Variants in SCHIP1 observed in about 807,000 individuals in gnomAD.
SCHIP1 encodes schwannomin-interacting protein 1.
In SCHIP1, 8 loss-of-function variants were observed where a neutral mutation model predicts 29.7. The observed-to-expected ratio is 0.27, with a 90% CI of 0.16 to 0.49. The LOEUF is 0.49. Among genes scored for constraint, SCHIP1 ranks in the 20% least tolerant of loss-of-function variants. The probability of loss-of-function intolerance (pLI) is 0.99; values close to 1 mark genes in which losing one functional copy is unlikely to be tolerated. For missense variants in SCHIP1, 193 were observed against 294.6 expected (o/e 0.66, Z 2.52); for synonymous variants, 76 against 94.9 (o/e 0.80, Z 1.16).
the SCHIP1 span, among the ~76,000 whole-genome samples, chr3:159,703,349 T>C: frequency 1.3e-5 from 2 of 152,230 alleles, no homozygotes; most frequent in Admixed American, 6.5e-5. Context: ...TTTCATCTTA[T>C]TAACCTAAGA....
At chr3:159,603,179 G>A in the SCHIP1 span, among the ~76,000 whole-genome samples, 1 of 152,172 alleles carries the variant, frequency 6.6e-6, no homozygotes, top group Non-Finnish European at 1.5e-5. Context: ...AAAAACACAA[G>A]TACAGATTTA....
the SCHIP1 span, among the ~76,000 whole-genome samples, chr3:159,474,855 T>C: frequency 6.6e-6 from 1 of 152,214 alleles, no homozygotes; most frequent in Non-Finnish European, 1.5e-5. Flanking sequence ...TGGATGTTTT[T>C]GACAATTACT....
chr3:159,510,466 CT>C, the SCHIP1 span, among the ~76,000 whole-genome samples: 1 of 152,242 alleles, frequency 6.6e-6, no homozygotes, highest in African/African-American at 2.4e-5. Context: ...CTTCTCTCAA[CT>C]CGTCAAAGTC....
At chr3:159,295,302 G>A in the SCHIP1 span, among the ~76,000 whole-genome samples, 20 of 147,430 alleles carry the variant, frequency 1.4e-4, no homozygotes, top group African/African-American at 3.5e-4. Context: ...GGTGGTGTGC[G>A]CCTGTAGTCC....
the SCHIP1 span, among the ~76,000 whole-genome samples, chr3:159,643,129 G>A: frequency 3.3e-5 from 5 of 152,170 alleles, no homozygotes; most frequent in East Asian, 9.6e-4. Context: ...CCTCCAAGAA[G>A]TCAAGATTTA....
the SCHIP1 span, among the ~76,000 whole-genome samples, chr3:159,712,534 T>C: frequency 6.7e-5 from 10 of 148,696 alleles, no homozygotes; most frequent in Non-Finnish European, 1.5e-4. Flanking sequence ...CTGAACAACA[T>C]AGAGAGACCC....
chr3:159,801,761 G>T, the SCHIP1 span, among the ~76,000 whole-genome samples: 1 of 151,684 alleles, frequency 6.6e-6, no homozygotes, highest in Non-Finnish European at 1.5e-5. Context: ...TAAAATTCTG[G>T]TACACACAGT....
the SCHIP1 span, among the ~76,000 whole-genome samples, chr3:159,760,790 T>G: frequency 2.1e-3 from 325 of 152,352 alleles, 1 homozygote; most frequent in African/African-American, 7.4e-3. Context: ...GAATATGATT[T>G]TACAAAATAA....
the SCHIP1 span, among the ~76,000 whole-genome samples, chr3:159,442,752 G>A: frequency 6.6e-6 from 1 of 152,246 alleles, no homozygotes; most frequent in East Asian, 1.9e-4. Flanking sequence ...TACTGCTTTG[G>A]TCCAGGTGAG....
chr3:159,652,726 A>T, the SCHIP1 span, among the ~76,000 whole-genome samples: 1 of 152,276 alleles, frequency 6.6e-6, no homozygotes, highest in South Asian at 2.1e-4. Flanking sequence ...GAGTGAAAAA[A>T]GCCACATAAG....
At chr3:159,313,593 T>C in the SCHIP1 span, among the ~76,000 whole-genome samples, 1 of 152,246 alleles carries the variant, frequency 6.6e-6, no homozygotes, top group African/African-American at 2.4e-5. Flanking sequence ...CTGTATACCC[T>C]GCATCCAGTT....
At chr3:159,348,809 G>T in the SCHIP1 span, among the ~76,000 whole-genome samples, 1 of 152,124 alleles carries the variant, frequency 6.6e-6, no homozygotes, top group African/African-American at 2.4e-5. Context: ...CTATGCAATT[G>T]CAAGGAAATT....
At chr3:159,734,789 T>C in the SCHIP1 span, among the ~76,000 whole-genome samples, 3 of 122,110 alleles carry the variant, frequency 2.5e-5, no homozygotes, top group African/African-American at 1.2e-4. Context: ...TTTCTTGTCT[T>C]TTTTTTTTTT....
chr3:159,720,520 C>T, the SCHIP1 span, among the ~76,000 whole-genome samples: 1 of 151,846 alleles, frequency 6.6e-6, no homozygotes, highest in Admixed American at 6.6e-5. Context: ...TTAAATAAGA[C>T]CTTCGTTCCC....
intron 2 of SCHIP1, among the ~76,000 whole-genome samples, chr3:159,876,226 T>C (rs1715788670): frequency 6.6e-6 from 1 of 152,182 alleles, no homozygotes; most frequent in South Asian, 2.1e-4. Flanking sequence ...GATCATGAGG[T>C]GGTGTATCCA....
chr3:159,849,059 C>T (rs1402864384), intron 1 of SCHIP1, among the ~76,000 whole-genome samples: 2 of 151,670 alleles, frequency 1.3e-5, no homozygotes, highest in South Asian at 4.2e-4. Flanking sequence ...ACACTTACGA[C>T]AAAAAAGGAG....
the SCHIP1 span, among the ~76,000 whole-genome samples, chr3:159,455,492 T>C: frequency 1.3e-5 from 2 of 152,212 alleles, no homozygotes; most frequent in African/African-American, 4.8e-5. Flanking sequence ...CAGAAAAGTA[T>C]ACAAGTCAAG....
the SCHIP1 span, among the ~76,000 whole-genome samples, chr3:159,519,492 A>T: frequency 3.0e-4 from 46 of 152,200 alleles, no homozygotes; most frequent in African/African-American, 1.1e-3. Flanking sequence ...CAATGTAAGA[A>T]TTTCACAAGA....
the SCHIP1 span, among the ~76,000 whole-genome samples, chr3:159,661,117 T>TA: frequency 6.6e-6 from 1 of 151,984 alleles, no homozygotes; most frequent in Non-Finnish European, 1.5e-5. Flanking sequence ...AAGAAGGGAG[T>TA]AGCAGGCTCT....
Sources: allele counts gnomAD v4.1 joint callset (sites outside exome capture counted in the v4.1 genomes callset), GRCh38; gene constraint gnomAD v4.1.1; transcripts MANE v1.5; gene names NCBI Gene and HGNC (gene_info 2026-07-23, HGNC 2026-07-21).